Variants in WDFY3 observed in about 807,000 individuals in gnomAD.
WDFY3 encodes WD repeat and FYVE domain containing 3, also known as WD repeat and FYVE domain-containing protein 3.
In WDFY3, 66 loss-of-function variants were observed where a neutral mutation model predicts 409.6. That is an observed-to-expected ratio of 0.16 (90% CI 0.13 to 0.20). The LOEUF is 0.20. Among genes scored for constraint, WDFY3 ranks in the 10% least tolerant of loss-of-function variants. The pLI is 1.00. For missense variants in WDFY3, 3,031 were observed against 4,298.1 expected (o/e 0.71, Z 8.24); for synonymous variants, 1,521 against 1,537.1 (o/e 0.99, Z 0.25).
Position 84,703,644 on chromosome 4 carries a change from C to T in WDFY3, c.8442+694G>A, listed in dbSNP as rs577659692. Among the ~76,000 whole-genome samples the T allele has an allele frequency of 2.6e-5, 4 of 152,296 alleles. No homozygotes were observed. In the South Asian group the frequency reaches 6.2e-4, roughly 24 times the overall value. On this transcript the variant is annotated intron_variant, in intron 55 of 67. Transcript: ENST00000295888. ...CAAGCTCTTCCCTCTGCCTGGAACA[C>T]GTATCTCCAGATGTCTGCAGAAGCA... is the stretch of plus-strand genomic sequence containing the variant.
chr4:84,836,233 T>C (rs190066654), intron 7 of WDFY3, among the ~76,000 whole-genome samples: 1 of 152,202 alleles, frequency 6.6e-6, no homozygotes, highest in African/African-American at 2.4e-5. Context: ...TTTAGATATA[T>C]CATATAAGTG....
In WDFY3 at chr4:84,690,565, C is replaced by T. The variant is rs374371115; in HGVS notation, c.9304G>A (p.Val3102Met). 1.8e-5 allele frequency: 29 copies of T among 1,614,088 alleles called. No homozygotes were observed. The highest frequency in any genetic ancestry group is 2.3e-5 in the Non-Finnish European group (27 of 1,180,038). The change falls in exon 61 of 68, where the codon GTG (valine) becomes ATG (methionine). Residue 3102 changes from valine to methionine, a missense_variant. Val to Met is a conservative substitution (Grantham distance 21, BLOSUM62 1). This residue lies in a region of WDFY3 where 152 missense variants were observed against 193.5 expected (regional missense o/e 0.79). Coordinates refer to ENST00000295888, the MANE Select transcript of WDFY3 (RefSeq NM_014991.6). ...LVITGGTSTV[V>M]CVWEMGTSKE... is the part of the protein sequence containing the mutation. ...GAGGTGCCCATCTCCCACACACACA[C>T]AACCGTGCTTGTTCCACCCGTGATG...
At chr4:84,762,423 T>G (rs1206440852) in intron 32 of WDFY3, among the ~76,000 whole-genome samples, 1 of 129,212 alleles carries the variant, frequency 7.7e-6, no homozygotes, top group Admixed American at 9.8e-5. Flanking sequence ...TGAGAACACA[T>G]GGACATAGGA....
intron 22 of WDFY3, among the ~76,000 whole-genome samples, chr4:84,788,908 T>G (rs1182697892): frequency 6.6e-6 from 1 of 152,040 alleles, no homozygotes; most frequent in African/African-American, 2.4e-5. Context: ...TAGTCCCAGC[T>G]ATTTGGGAGG....
In WDFY3 at chr4:84,923,729, T is replaced by A. The variant is rs1435959541; in HGVS notation, c.-132+8541A>T. 2.0e-5 allele frequency among the ~76,000 whole-genome samples: 3 copies of A among 152,210 alleles called. No individual in the cohort carries two copies. The East Asian group carries it at 5.8e-4, about 29-fold the overall frequency. On this transcript the variant is annotated intron_variant, in intron 2 of 67. Transcript: ENST00000295888. ...AATAAAACTTTCAGGCCAGATATGA[T>A]GGCTCATGCCTGTAATCCCAGCACT...
chr4:84,851,820 G>A (rs1049182623), intron 4 of WDFY3, among the ~76,000 whole-genome samples: 1 of 151,968 alleles, frequency 6.6e-6, no homozygotes, highest in Non-Finnish European at 1.5e-5. Flanking sequence ...TGAAACCACG[G>A]ATAGTACCAA....
At chr4:84,844,214 T>C (rs971546401) in intron 5 of WDFY3, among the ~76,000 whole-genome samples, 1 of 152,150 alleles carries the variant, frequency 6.6e-6, no homozygotes, top group Non-Finnish European at 1.5e-5. Flanking sequence ...AAATACAAGT[T>C]TTCCTTTGCA....
intron 1 of WDFY3, among the ~76,000 whole-genome samples, chr4:84,959,022 G>A (rs1774587365): frequency 6.6e-6 from 1 of 152,042 alleles, no homozygotes; most frequent in Non-Finnish European, 1.5e-5. Context: ...TATAATAATT[G>A]ACAATTATTG....
At chr4:84,826,591 G>A (rs1188480114) in intron 10 of WDFY3, among the ~76,000 whole-genome samples, 1 of 151,378 alleles carries the variant, frequency 6.6e-6, no homozygotes, top group Non-Finnish European at 1.5e-5. Flanking sequence ...AAATCTCCTT[G>A]TTTGATTTTA....
chr4:84,764,585 G>A (rs1743276454), intron 32 of WDFY3, among the ~76,000 whole-genome samples: 1 of 152,180 alleles, frequency 6.6e-6, no homozygotes, highest in East Asian at 1.9e-4. Context: ...CCTATGGCTG[G>A]GTGCAGTGGC....
intron 48 of WDFY3, among the ~76,000 whole-genome samples, chr4:84,717,549 T>C (rs1446392309): frequency 6.6e-6 from 1 of 152,166 alleles, no homozygotes; most frequent in African/African-American, 2.4e-5. Flanking sequence ...AGGAAAATGT[T>C]AAAGGAAGAG....
At chr4:84,823,202 T>C (rs1052134125) in intron 10 of WDFY3, among the ~76,000 whole-genome samples, 2 of 152,282 alleles carry the variant, frequency 1.3e-5, no homozygotes, top group Admixed American at 1.3e-4. Context: ...TGTAGTCATA[T>C]ATGATATTTT....
intron 3 of WDFY3, among the ~76,000 whole-genome samples, chr4:84,880,711 ATATATATATATATATGTT>A (rs2150395081): frequency 1.4e-5 from 1 of 70,886 alleles, no homozygotes; most frequent in Admixed American, 1.4e-4. Context: ...ATATATATAT[ATATATATATATATATGTT>A]TTTTTGGAGA....
At chr4:84,818,446 CT>C (rs1435083495) in intron 12 of WDFY3, among the ~76,000 whole-genome samples, 7 of 152,232 alleles carry the variant, frequency 4.6e-5, no homozygotes, top group Non-Finnish European at 1.0e-4. Context: ...TATGTTTGGT[CT>C]TCCATGACTA....
rs1254015228 is a variant in WDFY3, at chr4:84,778,661, A to G, written c.4366-6T>C. On this transcript the variant is annotated splice_polypyrimidine_tract_variant and splice_region_variant and intron_variant, in intron 26 of 67. Transcript: ENST00000295888. ...TTAAGCAACATTGCCAGCAACTACA[A>G]GAAAGTAATACCAAATGCCTGTTGA... The G allele has an allele frequency of 6.2e-7, 1 of 1,603,952 alleles. No individual in the cohort carries two copies. The highest frequency in any genetic ancestry group is 8.5e-7 in the Non-Finnish European group (1 of 1,176,974).
At chr4:84,750,805 T>G (rs1162347702) in intron 36 of WDFY3, among the ~76,000 whole-genome samples, 1 of 152,204 alleles carries the variant, frequency 6.6e-6, no homozygotes, top group East Asian at 1.9e-4. Context: ...ATGCATCAGT[T>G]GATTCATATC....
chr4:84,718,394 C>T (rs376390700), intron 48 of WDFY3, 28 bp downstream of exon 48: 5 of 1,602,798 alleles, frequency 3.1e-6, no homozygotes, highest in African/African-American at 1.3e-5. Context: ...GATAGCCATA[C>T]ATTATGTCTC....
chr4:84,861,264 A>T (rs1248692696), intron 3 of WDFY3, among the ~76,000 whole-genome samples: 1 of 152,090 alleles, frequency 6.6e-6, no homozygotes, highest in Non-Finnish European at 1.5e-5. Flanking sequence ...CTATTAATGG[A>T]TTTCTTAATG....
At chr4:84,901,680 A>G (rs1486776430) in intron 2 of WDFY3, among the ~76,000 whole-genome samples, 1 of 152,230 alleles carries the variant, frequency 6.6e-6, no homozygotes, top group East Asian at 1.9e-4. Context: ...AAGAAAAACA[A>G]TAAGATAACA....
Sources: allele counts gnomAD v4.1 joint callset (sites outside exome capture counted in the v4.1 genomes callset), GRCh38; gene constraint gnomAD v4.1.1; regional missense constraint gnomAD v4.1.1; transcripts MANE v1.5; gene names NCBI Gene and HGNC (gene_info 2026-07-23, HGNC 2026-07-21).